The following ITGB4 variants were observed in gnomAD, a reference collection of about 807,000 sequenced individuals.
The protein encoded by ITGB4 is integrin beta-4.
Under a neutral mutation model 207.6 loss-of-function variants are expected in ITGB4, and 159 were observed. The observed-to-expected ratio is 0.77, with a 90% CI of 0.67 to 0.87. ITGB4 has a LOEUF of 0.87. ITGB4 is among the 40% of genes least tolerant of loss of function. The pLI is 0.00. For synonymous variants in ITGB4, 1,020 were observed against 1,062.7 expected (o/e 0.96, Z 0.78); for missense variants, 2,278 against 2,546.8 (o/e 0.89, Z 2.27).
In ITGB4 at chr17:75,752,524, A is replaced by C; in HGVS notation, c.4055A>C (p.Asp1352Ala). ...GACAGCTTCCTTATGTACAGCGATG[A>C]CGTTCTACGCTCTCCATCGGGCAGC... The part of the protein sequence containing the change: ...DYDSFLMYSD[D>A]VLRSPSGSQR... Residue 1352 changes from aspartate (D) to alanine (A), a missense_variant, in exon 32 of 40, where the codon GAC (aspartate) becomes GCC (alanine). Coordinates refer to ENST00000200181, the MANE Select transcript of ITGB4 (RefSeq NM_000213.5). 6.2e-7 allele frequency: 1 copy of C among 1,613,670 alleles called. No individual in the cohort carries two copies. The highest frequency in any genetic ancestry group is 8.5e-7 in the Non-Finnish European group (1 of 1,180,006).
At chr17:75,743,389 C>A (rs771412474) in intron 25 of ITGB4, among the ~76,000 whole-genome samples, 3 of 152,174 alleles carry the variant, frequency 2.0e-5, no homozygotes, top group Non-Finnish European at 2.9e-5. Context: ...CTCGCCACCA[C>A]GCCCAGCTAA....
intron 23 of ITGB4, among the ~76,000 whole-genome samples, chr17:75,741,881 G>A (rs76845359): frequency 1.9e-3 from 282 of 151,898 alleles, no homozygotes; most frequent in Non-Finnish European, 3.3e-3. Context: ...AGGGCTTTCC[G>A]TGTGTGGTCA....
At chr17:75,723,123 T>C (rs1225196845) in intron 1 of ITGB4, among the ~76,000 whole-genome samples, 1 of 152,186 alleles carries the variant, frequency 6.6e-6, no homozygotes, top group East Asian at 1.9e-4. Context: ...CCATGGAGGT[T>C]AAAGGCAGGG....
At position 75,743,763 on chromosome 17, in the gene ITGB4, G is replaced by A. The variant is rs779518701; in HGVS notation, c.3013G>A (p.Asp1005Asn). ...EQPEFSVSRG[D>N]QVARIPVIRR... ...GCCTGAGTTCTCGGTCAGCCGCGGG[G>A]ACCAGGTGGCCCGCATCCCTGTCAT... The change falls in exon 26 of 40, where the codon GAC becomes AAC. Residue 1005 changes from aspartate (D) to asparagine (N), a missense_variant. Transcript: ENST00000200181. The A allele has an allele frequency of 1.2e-6, 2 of 1,613,530 alleles. No individual in the cohort carries two copies. The highest frequency in any genetic ancestry group is 1.1e-5 in the South Asian group (1 of 91,082).
Position 75,740,197 on chromosome 17 carries a change from C to T in ITGB4, c.2446+126C>T. 8.0e-7 allele frequency: 1 copy of T among 1,245,988 alleles called. No individual in the cohort carries two copies. Among genetic ancestry groups the T allele is most frequent in the Non-Finnish European group, 1.1e-6 (1 of 887,770 alleles). 77.2% of individuals were successfully genotyped at this position (1,245,988 alleles called of 1,614,324 possible). On this transcript the variant is annotated intron_variant, in intron 20 of 39. Coordinates refer to ENST00000200181, the MANE Select transcript of ITGB4 (RefSeq NM_000213.5). The surrounding 1 kb of genome is among the most constrained non-coding windows in gnomAD (Gnocchi z 5.9). ...AGGCACAGGGCTCAGCCACCTTTTG[C>T]CCTGTGCTGATGGTGCTATGAACCT...
chr17:75,743,710 C>A lies in ITGB4; in HGVS notation c.2963-3C>A. On this transcript the variant is annotated splice_region_variant and splice_polypyrimidine_tract_variant and intron_variant, in intron 25 of 39. Transcript: ENST00000200181. ...CTCTGACAAATGCCCGGGCTCCTTGCAGCCAGAGACGTGGTGTCCTTTGAG... is the reference window on the plus strand; with the variant it reads ...CTCTGACAAATGCCCGGGCTCCTTGAAGCCAGAGACGTGGTGTCCTTTGAG... 6.2e-7 allele frequency: 1 copy of A among 1,613,512 alleles called. No individual in the cohort carries two copies. Among genetic ancestry groups the A allele is most frequent in the Non-Finnish European group, 8.5e-7 (1 of 1,180,012 alleles).
chr17:75,756,709 G>A lies in ITGB4; in HGVS notation c.4903G>A (p.Ala1635Thr), dbSNP rs914721765. 1.5e-5 allele frequency: 25 copies of A among 1,613,168 alleles called. No homozygotes were observed. Among genetic ancestry groups the A allele is most frequent in the East Asian group, 2.2e-5 (1 of 44,880 alleles). ...TCTTCCTCTACTGCCCCCAGGCTCC[G>A]CCTTCACTTTGAGCACTCCCAGTGC... ...QSPLCPLPGS[A>T]FTLSTPSAPG... is the part of the protein sequence containing the mutation. The change falls in exon 37 of 40, where the codon GCC becomes ACC. Residue 1635 changes from alanine to threonine, a missense_variant. Physicochemically the swap from Ala to Thr is moderately conservative, Grantham distance 58. Transcript: ENST00000200181.
In ITGB4 at chr17:75,737,684, G is replaced by A. The variant is rs1396811994; in HGVS notation, c.2220+40G>A. 7.1e-6 allele frequency: 11 copies of A among 1,551,482 alleles called. No individual in the cohort carries two copies. The Admixed American group carries it at 1.0e-4, about 14-fold the overall frequency. On this transcript the variant is annotated intron_variant, in intron 18 of 39. Coordinates refer to ENST00000200181, the MANE Select transcript of ITGB4 (RefSeq NM_000213.5). ...TGCCTCCCAAGGCCCCACATCCCAG[G>A]GTCCCCACCCCAACAGGGCCCCCAC... is the stretch of plus-strand genomic sequence containing the variant.
Position 75,731,800 on chromosome 17 carries a change from G to A in ITGB4, c.1216-12G>A, listed in dbSNP as rs1173593584. The A allele has an allele frequency of 1.9e-6, 3 of 1,570,728 alleles. No homozygotes were observed. Among genetic ancestry groups the A allele is most frequent in the Non-Finnish European group, 2.6e-6 (3 of 1,156,948 alleles). On this transcript the variant is annotated splice_polypyrimidine_tract_variant and intron_variant, in intron 10 of 39. Coordinates refer to ENST00000200181, the MANE Select transcript of ITGB4 (RefSeq NM_000213.5). This position sits in a 1 kb window ranked among gnomAD's most constrained non-coding sequence, Gnocchi z 6.8. ...GCTGGGCCTGCCTTGGCTGACCACG[G>A]GGCCCCTGCAGGGTATATACCAGGT...
intron 2 of ITGB4, among the ~76,000 whole-genome samples, chr17:75,726,529 C>T (rs1039802400): frequency 5.3e-5 from 8 of 151,710 alleles, no homozygotes; most frequent in African/African-American, 9.7e-5. Context: ...GTCAGGAGTT[C>T]GAGACCAGCC....
Position 75,740,931 on chromosome 17 carries a change from G to C in ITGB4, c.2610-51G>C, listed in dbSNP as rs771872054. On this transcript the variant is annotated intron_variant, in intron 22 of 39. Transcript: ENST00000200181. This position sits in a 1 kb window ranked among gnomAD's most constrained non-coding sequence, Gnocchi z 5.9. ...GGAGCCGAAGCCCCCAGGCCGATCA[G>C]GCCTCCACTTCAGGGCTATCTAGCT... 6.2e-7 allele frequency: 1 copy of C among 1,613,904 alleles called. No homozygotes were observed. The highest frequency in any genetic ancestry group is 8.5e-7 in the Non-Finnish European group (1 of 1,179,954).
chr17:75,733,628 C>G lies in ITGB4; in HGVS notation c.1593C>G (p.Tyr531Ter), dbSNP rs778102219. ...GTGTGTGCTACGGCGAAGGCCGCTACGAGGGTCAGTTCTGCGAGTATGACA... is the reference window on the plus strand; with the variant it reads ...GTGTGTGCTACGGCGAAGGCCGCTAGGAGGGTCAGTTCTGCGAGTATGACA... ...GHCVCYGEGR[Y>*]EGQFCEYDNF... The change falls in exon 13 of 40, where the codon TAC becomes TAG. Residue 531 changes from tyrosine to a stop codon, truncating the protein, a stop_gained. Transcript: ENST00000200181. LOFTEE classifies it high-confidence loss of function. 2 of 1,614,086 alleles carry G rather than the reference C, an allele frequency of 1.2e-6. No homozygotes were observed. Among genetic ancestry groups the G allele is most frequent in the African/African-American group, 2.7e-5 (2 of 74,950 alleles).
chr17:75,753,710 C>T, intron 32 of ITGB4, 55 bp from the exon 33 acceptor site: 1 of 1,241,022 alleles, frequency 8.1e-7, no homozygotes, highest in Non-Finnish European at 1.0e-6. Context: ...CCGCCTGGCC[C>T]TGCTCGGCCC....
intron 34 of ITGB4, chr17:75,755,345 C>CGGGG: frequency 2.1e-6 from 2 of 948,932 alleles, no homozygotes; most frequent in Non-Finnish European, 3.1e-6. Context: ...TGCCCACAGG[C>CGGGG]GCTAACCACC....
At chr17:75,749,096 G>GA (rs1347112868) in intron 27 of ITGB4, 51 bp downstream of exon 27, 42 of 1,473,752 alleles carry the variant, frequency 2.8e-5, no homozygotes, top group Non-Finnish European at 3.8e-5. Flanking sequence ...GAAGACTGGG[G>GA]GGTCTCTCAA....
In ITGB4 at chr17:75,736,811, C is replaced by T. The variant is rs537100199; in HGVS notation, c.1990+117C>T. On this transcript the variant is annotated intron_variant, in intron 16 of 39. Transcript: ENST00000200181. ...CAGTCTGGGCTAAGGTCACACAGTC[C>T]GGACAGGAACTCCAGAGCTGGGAGG... The T allele has an allele frequency of 4.0e-4, 454 of 1,139,594 alleles. 4 individuals are homozygous for T. The highest frequency in any genetic ancestry group is 3.0e-3 in the East Asian group (119 of 39,088). 70.6% of individuals were successfully genotyped at this position (1,139,594 alleles called of 1,614,324 possible). A position where few individuals can be genotyped will look rare whatever the true frequency, so the allele number is the denominator to read the frequency against.
Position 75,731,641 on chromosome 17 carries a change from TG to T in ITGB4, c.1216-170del, listed in dbSNP as rs766939763. Among the ~76,000 whole-genome samples, 7 of 152,180 alleles carry T rather than the reference TG, an allele frequency of 4.6e-5. No individual in the cohort carries two copies. Among genetic ancestry groups the T allele is most frequent in the Non-Finnish European group, 8.8e-5 (6 of 68,032 alleles). ...TGGCCACTGTCATTGTCGCTATGAT[TG>T]TGACTGCGCTGGGAAGGAGGGAGTT... On this transcript the variant is annotated intron_variant, in intron 10 of 39. Transcript: ENST00000200181. The surrounding 1 kb of genome is among the most constrained non-coding windows in gnomAD (Gnocchi z 6.8).
chr17:75,750,376 A>G lies in ITGB4; in HGVS notation c.3474+108A>G. The stretch of plus-strand genomic sequence containing the variant: ...CAGGGCCCCCTGAGAGAGAGCAGAC[A>G]GTGGAACCTAGCACAGGTGGTCAGA... On this transcript the variant is annotated intron_variant, in intron 28 of 39. Transcript: ENST00000200181. The surrounding 1 kb of genome is among the most constrained non-coding windows in gnomAD (Gnocchi z 5.5). 2 of 1,151,036 alleles carry G rather than the reference A, an allele frequency of 1.7e-6. No homozygotes were observed. The highest frequency in any genetic ancestry group is 1.2e-6 in the Non-Finnish European group (1 of 813,988). The allele number at this position is 1,151,036 out of a possible 1,614,324, so 71.3% of individuals were successfully genotyped here.
chr17:75,748,274 A>G (rs550713948), intron 26 of ITGB4, among the ~76,000 whole-genome samples: 1 of 150,960 alleles, frequency 6.6e-6, no homozygotes, highest in East Asian at 2.0e-4. Context: ...GAGGGGAAGG[A>G]TGGCCTGAGC....
Sources: gnomAD v4.1 joint callset for allele counts (sites outside exome capture counted in the v4.1 genomes callset) on GRCh38, gnomAD v4.1.1 for gene constraint, Gnocchi (gnomAD v3.1) non-coding constraint, MANE v1.5 for transcripts, NCBI Gene and HGNC (gene_info 2026-07-23, HGNC 2026-07-21) for gene names.